The following LPA variants were observed in gnomAD, a reference collection of about 807,000 sequenced individuals.
The protein encoded by LPA is lipoprotein(a), also known as apolipoprotein(a).
In LPA, 199 loss-of-function variants were observed where a neutral mutation model predicts 197.9. The observed-to-expected ratio is 1.01, with a 90% CI of 0.90 to 1.13. LPA has a LOEUF of 1.13. LPA is among the 50% of genes most tolerant of loss of function. The pLI is 0.00. For synonymous variants in LPA, 715 were observed against 639.5 expected (o/e 1.12, Z -1.78); for missense variants, 1,853 against 1,785.8 (o/e 1.04, Z -0.68).
intron 30 of LPA, among the ~76,000 whole-genome samples, chr6:160,551,498 T>C (rs1452429083): frequency 1.3e-5 from 2 of 152,222 alleles, no homozygotes; most frequent in Non-Finnish European, 2.9e-5. Flanking sequence ...CCTATTTATT[T>C]TCTTAACAAT....
intron 28 of LPA, among the ~76,000 whole-genome samples, chr6:160,575,171 GT>G (rs1778632659): frequency 6.6e-6 from 1 of 152,004 alleles, no homozygotes. Context: ...TGATTGATTA[GT>G]TTTCTTGAAT....
chr6:160,608,421 G>A (rs143910891), intron 16 of LPA, among the ~76,000 whole-genome samples: 3 of 152,202 alleles, frequency 2.0e-5, no homozygotes, highest in African/African-American at 7.2e-5. Context: ...CCCGGTATCT[G>A]GCTTCCAGTG....
chr6:160,609,000 T>A (rs1382581485), intron 16 of LPA, among the ~76,000 whole-genome samples: 1 of 152,176 alleles, frequency 6.6e-6, no homozygotes, highest in African/African-American at 2.4e-5. Flanking sequence ...AAGACATAGC[T>A]TTTTACACTA....
chr6:160,545,702 A>G (rs927743480), intron 32 of LPA, among the ~76,000 whole-genome samples, 169 bp from the exon 33 acceptor site: 1 of 152,148 alleles, frequency 6.6e-6, no homozygotes, highest in Non-Finnish European at 1.5e-5. Context: ...TCTATGCTGT[A>G]AGCCATCAGT....
chr6:160,551,579 C>T (rs1046198545), intron 30 of LPA, among the ~76,000 whole-genome samples: 6 of 152,188 alleles, frequency 3.9e-5, no homozygotes, highest in African/African-American at 1.4e-4. Context: ...TGAGTGTTTA[C>T]AGACTCCTGC....
At chr6:160,604,256 G>A (rs6902102) in intron 18 of LPA, among the ~76,000 whole-genome samples, 60,861 of 151,928 alleles carry the variant, frequency 0.4, 12,509 homozygotes, top group African/African-American at 0.49. Context: ...CCATCACCTT[G>A]CTCTTCAGTG....
At chr6:160,649,685 T>C (rs897173483) in intron 2 of LPA, among the ~76,000 whole-genome samples, 6 of 152,214 alleles carry the variant, frequency 3.9e-5, no homozygotes, top group Middle Eastern at 3.2e-3. Flanking sequence ...TCATTTTTTC[T>C]TGTCTTTGGT....
chr6:160,586,713 A>G (rs1305981510), intron 24 of LPA, 83 bp from the exon 25 acceptor site: 1 of 1,598,520 alleles, frequency 6.3e-7, no homozygotes, highest in Admixed American at 1.7e-5. Context: ...TTCTTGTAAC[A>G]AAGTGTAAAC....
chr6:160,572,442 C>A (rs1480748717), intron 28 of LPA, among the ~76,000 whole-genome samples: 2 of 152,126 alleles, frequency 1.3e-5, no homozygotes, highest in African/African-American at 4.8e-5. Flanking sequence ...TTATTGCCTC[C>A]GTACTTTGGT....
intron 28 of LPA, among the ~76,000 whole-genome samples, chr6:160,571,437 G>A (rs919847890): frequency 1.3e-5 from 2 of 152,160 alleles, no homozygotes; most frequent in Admixed American, 1.3e-4. Flanking sequence ...TTCAGAGCTG[G>A]CAGGCAGGAA....
At chr6:160,655,925 G>A (rs1392977718) in intron 1 of LPA, among the ~76,000 whole-genome samples, 1 of 152,212 alleles carries the variant, frequency 6.6e-6, no homozygotes, top group East Asian at 1.9e-4. Flanking sequence ...AAGGTATAAT[G>A]CTGGCCTTGT....
intron 28 of LPA, among the ~76,000 whole-genome samples, chr6:160,573,544 T>G (rs2115026747): frequency 6.6e-6 from 1 of 152,296 alleles, no homozygotes; most frequent in South Asian, 2.1e-4. Flanking sequence ...TTCCTTCTCA[T>G]TTGGGTAGAC....
chr6:160,657,115 C>G (rs1472128666), intron 1 of LPA, among the ~76,000 whole-genome samples: 1 of 152,164 alleles, frequency 6.6e-6, no homozygotes, highest in Non-Finnish European at 1.5e-5. Context: ...ACTGTGGTTC[C>G]TACTGTTAGA....
At position 160,654,006 on chromosome 6, in the gene LPA, T is replaced by TATATA. The variant is rs1780066595; in HGVS notation, c.50-3514_50-3510dup. Reference sequence around the variant, plus strand: ...AATATATAATATATATTATATATAATATATATTATATATAATATATAATAT... The same window carrying TATATA: ...AATATATAATATATATTATATATAATATATAATATATTATATATAATATATAATAT... On this transcript the variant is annotated intron_variant, in intron 1 of 38. Transcript: ENST00000316300. Among the ~76,000 whole-genome samples the TATATA allele has an allele frequency of 5.6e-3, 32 of 5,752 alleles. 3 individuals are homozygous for TATATA. The highest frequency in any genetic ancestry group is 0.021 in the African/African-American group (29 of 1,378). 3.8% of individuals were successfully genotyped at this position (5,752 alleles called of 152,430 possible).
chr6:160,576,619 TTTA>T (rs1778684442), intron 28 of LPA, among the ~76,000 whole-genome samples: 1 of 145,078 alleles, frequency 6.9e-6, no homozygotes, highest in Admixed American at 7.0e-5. Context: ...AAATATAAGT[TTTA>T]TACACAAGTA....
intron 4 of LPA, 146 bp from the exon 5 acceptor site, chr6:160,640,994 A>C (rs1779841219): frequency 2.0e-6 from 1 of 511,496 alleles, no homozygotes; most frequent in Non-Finnish European, 3.5e-6. Flanking sequence ...CCACCAGCAA[A>C]AATGGCTCTC....
intron 28 of LPA, among the ~76,000 whole-genome samples, chr6:160,576,071 T>A (rs893468281): frequency 6.6e-6 from 1 of 152,052 alleles, no homozygotes; most frequent in African/African-American, 2.4e-5. Flanking sequence ...TTCTAAATTA[T>A]CTCAATACAC....
At position 160,634,848 on chromosome 6, in the gene LPA, G is replaced by C. The variant is rs1451957325; in HGVS notation, c.1075+275C>G. Among the ~76,000 whole-genome samples the C allele has an allele frequency of 3.3e-5, 5 of 150,064 alleles. 1 individual carries two copies. The South Asian group carries it at 8.3e-4, about 25-fold the overall frequency. On this transcript the variant is annotated intron_variant, in intron 7 of 38. Transcript: ENST00000316300. ...ACGTTACAATAAAAATTTTGGCTAA[G>C]ACACTGAGATAGCCCATTTTAGAAG...
intron 26 of LPA, among the ~76,000 whole-genome samples, chr6:160,584,797 C>A (rs1348931790): frequency 6.6e-6 from 1 of 152,158 alleles, no homozygotes; most frequent in Non-Finnish European, 1.5e-5. Context: ...ATCTCCTTAG[C>A]TTTACATTAA....
Sources: allele counts gnomAD v4.1 joint callset (sites outside exome capture counted in the v4.1 genomes callset), GRCh38; gene constraint gnomAD v4.1.1; transcripts MANE v1.5; gene names NCBI Gene and HGNC (gene_info 2026-07-23, HGNC 2026-07-21).